ARMH2: variants seen among roughly 807,000 people sequenced by gnomAD.
ARMH2 encodes armadillo-like helical domain-containing protein 2.
ARMH2 carries 5 observed loss-of-function variants against 9.0 expected under a neutral mutation model. The ratio of observed to expected loss-of-function variants is 0.56; its 90% CI spans 0.29 to 1.17. The LOEUF is 1.17. Among genes scored for constraint, ARMH2 ranks in the 50% most tolerant of loss-of-function variants. ARMH2 has a pLI of 0.08. For synonymous variants in ARMH2, 74 were observed against 93.1 expected, an observed-to-expected ratio of 0.79 and a Z score of 1.18; for missense variants, 236 against 268.3, an observed-to-expected ratio of 0.88 and a Z score of 0.84.
intron 1 of ARMH2, 105 bp downstream of exon 1, chr6:24,798,488 G>T: frequency 8.0e-7 from 1 of 1,252,644 alleles, no homozygotes; most frequent in Non-Finnish European, 1.1e-6. Context: ...CCAATGAAAT[G>T]TTATCAGAAT....
chr6:24,797,877 T>C (rs1562198569), intron 1 of ARMH2, 40 bp from the exon 2 acceptor site: 2 of 1,513,250 alleles, frequency 1.3e-6, no homozygotes, highest in Admixed American at 2.1e-5. Context: ...GTATTTGGTG[T>C]ATCTATTAGC....
rs1780518940 is a variant in ARMH2, at chr6:24,798,875, G to C, written c.-18C>G. ...TTAGCCATTGTGTAAAAAGGCCAGT[G>C]GTCCTTCAGGTACACCACTGGCAGT... is the stretch of plus-strand genomic sequence containing the variant. On this transcript the variant is annotated 5_prime_UTR_variant, in exon 1 of 2. Coordinates refer to ENST00000565469, the MANE Select transcript of ARMH2 (RefSeq NM_001282492.2). The C allele has an allele frequency of 6.5e-7, 1 of 1,529,210 alleles. No individual in the cohort carries two copies. Among genetic ancestry groups the C allele is most frequent in the Non-Finnish European group, 8.7e-7 (1 of 1,143,486 alleles). The allele number at this position is 1,529,210 out of a possible 1,614,324, so 94.7% of individuals were successfully genotyped here.
chr6:24,797,775 C>T lies in ARMH2; in HGVS notation c.328G>A (p.Asp110Asn). 1.3e-6 allele frequency: 2 copies of T among 1,535,492 alleles called. No homozygotes were observed. Among genetic ancestry groups the T allele is most frequent in the Admixed American group, 2.0e-5 (1 of 50,988 alleles). The change falls in exon 2 of 2, where the codon GAT becomes AAT. Residue 110 changes from aspartate (D) to asparagine (N), a missense_variant. By Grantham distance (23) the Asp-to-Asn change is conservative. Transcript: ENST00000565469. ...YMEEVAHLLQ[D>N]EELAPKIKIL... ...TTTATTTTTGGTGCCAACTCCTCAT[C>T]TTGCAACAAGTGAGCCACTTCTTCC... is the stretch of plus-strand genomic sequence containing the variant.
rs1353825477 is a variant in ARMH2 at position 24,798,853 on chromosome 6, G to A, written c.5C>T (p.Ala2Val). 1.3e-6 allele frequency: 2 copies of A among 1,533,452 alleles called. No homozygotes were observed. The highest frequency in any genetic ancestry group is 3.9e-5 in the Admixed American group (2 of 50,702). The allele number at this position is 1,533,452 out of a possible 1,614,324, so 95.0% of individuals were successfully genotyped here. A position where few individuals can be genotyped will look rare whatever the true frequency, so the allele number is the denominator to read the frequency against. ...TTGCGTACAAGAAAATCGGCTGTTA[G>A]CCATTGTGTAAAAAGGCCAGTGGTC... M[A>V]NSRFSCTQIW... The change falls in exon 1 of 2, where the codon GCT (alanine) becomes GTT (valine). Residue 2 changes from alanine to valine, a missense_variant. Physicochemically the swap from Ala to Val is moderately conservative, Grantham distance 64. Transcript: ENST00000565469.
Position 24,797,849 on chromosome 6 carries a change from G to T in ARMH2, c.266-12C>A. 6.5e-7 allele frequency: 1 copy of T among 1,528,080 alleles called. No individual in the cohort carries two copies. Among genetic ancestry groups the T allele is most frequent in the Non-Finnish European group, 8.7e-7 (1 of 1,143,636 alleles). The allele number at this position is 1,528,080 out of a possible 1,614,324, so 94.7% of individuals were successfully genotyped here. A position where few individuals can be genotyped will look rare whatever the true frequency, so the allele number is the denominator to read the frequency against. On this transcript the variant is annotated splice_polypyrimidine_tract_variant and intron_variant, in intron 1 of 1. Transcript: ENST00000565469. Reference sequence around the variant, plus strand: ...AGCAGGTGGTCCTCCTGTAAAACAAGCATTTGCATTTCCAGAAGTATTTGG... The same window carrying T: ...AGCAGGTGGTCCTCCTGTAAAACAATCATTTGCATTTCCAGAAGTATTTGG...
At chr6:24,798,560 C>T in intron 1 of ARMH2, 33 bp downstream of exon 1, 1 of 1,496,430 alleles carries the variant, frequency 6.7e-7, no homozygotes, top group Non-Finnish European at 8.9e-7. Flanking sequence ...TGTCGTGAAA[C>T]ACTCATTTTA....
chr6:24,798,787 C>T lies in ARMH2; in HGVS notation c.71G>A (p.Arg24Gln), dbSNP rs1471065382. The change falls in exon 1 of 2, where the codon CGG becomes CAG. Residue 24 changes from arginine to glutamine, a missense_variant. By Grantham distance (43) the Arg-to-Gln change is conservative (BLOSUM62 1). Transcript: ENST00000565469. ...GACACGCCAGAATTTCTGGAGACGC[C>T]GACACAGCCCCGCAAAATACCCATA... is the stretch of plus-strand genomic sequence containing the variant. ...KMYGYFAGLCRRLQKFWRVTV... is the reference protein window; with the variant it reads ...KMYGYFAGLCQRLQKFWRVTV... 6.5e-6 allele frequency: 10 copies of T among 1,535,326 alleles called. No homozygotes were observed. The highest frequency in any genetic ancestry group is 1.2e-5 in the South Asian group (1 of 84,044).
Position 24,798,717 on chromosome 6 carries a change from A to G in ARMH2, c.141T>C (p.Pro47=). The change falls in exon 1 of 2, where the codon CCT becomes CCC. Residue 47 remains proline, a synonymous_variant. Coordinates refer to ENST00000565469, the MANE Select transcript of ARMH2 (RefSeq NM_001282492.2). ...FFVKKKEKKI[P]SAETYFHEEK... Reference sequence around the variant, plus strand: ...CCTCATGAAAATAAGTCTCAGCTGAAGGGATTTTTTTTTCCTTCTTCTTAA... The same window carrying G: ...CCTCATGAAAATAAGTCTCAGCTGAGGGGATTTTTTTTTCCTTCTTCTTAA... The G allele has an allele frequency of 6.5e-7, 1 of 1,535,204 alleles. No homozygotes were observed. The highest frequency in any genetic ancestry group is 8.7e-7 in the Non-Finnish European group (1 of 1,146,638).
At chr6:24,798,556 G>A (rs1187212310) in intron 1 of ARMH2, 37 bp downstream of exon 1, 2 of 1,493,896 alleles carry the variant, frequency 1.3e-6, no homozygotes, top group Non-Finnish European at 8.9e-7. Flanking sequence ...TGAGTGTCGT[G>A]AAACACTCAT....
rs999950880 is a variant in ARMH2 at position 24,798,643 on chromosome 6, A to G, written c.215T>C (p.Ile72Thr). 3.1e-5 allele frequency: 47 copies of G among 1,535,278 alleles called. No homozygotes were observed. Among genetic ancestry groups the G allele is most frequent in the Non-Finnish European group, 3.8e-5 (44 of 1,146,692 alleles). Residue 72 changes from isoleucine to threonine, a missense_variant, in exon 1 of 2, where the codon ATT (isoleucine) becomes ACT (threonine). Physicochemically the swap from Ile to Thr is moderately conservative, Grantham distance 89 (BLOSUM62 -1). Transcript: ENST00000565469. ...CTGGGCAGCTTGAGCTCTCTTCTCA[A>G]TGGGTAGAGATTCATTCATCAACAC... ...GQVLMNESLP[I>T]EKRAQAAQKI...
At position 24,797,773 on chromosome 6, in the gene ARMH2, A is replaced by G. The variant is rs993608960; in HGVS notation, c.330T>C (p.Asp110=). 4.3e-5 allele frequency: 66 copies of G among 1,535,328 alleles called. No individual in the cohort carries two copies. Among genetic ancestry groups the G allele is most frequent in the Non-Finnish European group, 5.4e-5 (62 of 1,146,738 alleles). The change falls in exon 2 of 2, where the codon GAT becomes GAC. Residue 110 remains aspartate (D), a synonymous_variant. Coordinates refer to ENST00000565469, the MANE Select transcript of ARMH2 (RefSeq NM_001282492.2). ...TCTTTATTTTTGGTGCCAACTCCTCATCTTGCAACAAGTGAGCCACTTCTT... is the reference window on the plus strand; with the variant it reads ...TCTTTATTTTTGGTGCCAACTCCTCGTCTTGCAACAAGTGAGCCACTTCTT... ...YMEEVAHLLQ[D]EELAPKIKIL...
At chr6:24,797,968 C>G in intron 1 of ARMH2, 131 bp from the exon 2 acceptor site, 1 of 995,872 alleles carries the variant, frequency 1.0e-6, no homozygotes, top group Non-Finnish European at 1.4e-6. Flanking sequence ...ATTTTCCTGT[C>G]GTTTTCCCCC....
Position 24,797,413 on chromosome 6 carries a change from A to T in ARMH2, c.690T>A (p.Asn230Lys), listed in dbSNP as rs1375369395. Residue 230 changes from asparagine (N) to lysine (K), a missense_variant, in exon 2 of 2, where the codon AAT (asparagine) becomes AAA (lysine). By Grantham distance (94) the Asn-to-Lys change is moderately conservative. Transcript: ENST00000565469. ...VLYFLIGFHR[N>K] ...CATGTAACTGGATTTAGAGAAACTA[A>T]TTCCTATGAAAACCAATTAGGAAAT... The T allele has an allele frequency of 6.5e-7, 1 of 1,531,386 alleles. No individual in the cohort carries two copies. The highest frequency in any genetic ancestry group is 1.2e-5 in the South Asian group (1 of 83,810). 94.9% of individuals were successfully genotyped at this position (1,531,386 alleles called of 1,614,324 possible). A position where few individuals can be genotyped will look rare whatever the true frequency, so the allele number is the denominator to read the frequency against.
At position 24,797,390 on chromosome 6, in the gene ARMH2, T is replaced by A; in HGVS notation, c.*20A>T. 1 of 1,524,456 alleles carries A rather than the reference T, an allele frequency of 6.6e-7. No homozygotes were observed. Among genetic ancestry groups the A allele is most frequent in the East Asian group, 2.5e-5 (1 of 40,738 alleles). 94.4% of individuals were successfully genotyped at this position (1,524,456 alleles called of 1,614,324 possible). On this transcript the variant is annotated 3_prime_UTR_variant, in exon 2 of 2. Transcript: ENST00000565469. ...GGGTAATACACAGAGAGCTGCAACA[T>A]GTAACTGGATTTAGAGAAACTAATT...
chr6:24,797,870 T>C, intron 1 of ARMH2, 33 bp from the exon 2 acceptor site: 1 of 1,522,572 alleles, frequency 6.6e-7, no homozygotes, highest in Admixed American at 2.0e-5. Context: ...TCCAGAAGTA[T>C]TTGGTGTATC....
chr6:24,798,692 C>T lies in ARMH2; in HGVS notation c.166G>A (p.Glu56Lys). The stretch of plus-strand genomic sequence containing the variant: ...ACTTGGCCAAGTACAACAATTTTTT[C>T]CTCATGAAAATAAGTCTCAGCTGAA... ...IPSAETYFHE[E>K]KIVVLGQVLM... The change falls in exon 1 of 2, where the codon GAA becomes AAA. Residue 56 changes from glutamate to lysine, a missense_variant. Coordinates refer to ENST00000565469, the MANE Select transcript of ARMH2 (RefSeq NM_001282492.2). The T allele has an allele frequency of 6.5e-7, 1 of 1,535,354 alleles. No homozygotes were observed. Among genetic ancestry groups the T allele is most frequent in the Non-Finnish European group, 8.7e-7 (1 of 1,146,702 alleles).
chr6:24,798,244 G>A (rs543617985), intron 1 of ARMH2, among the ~76,000 whole-genome samples: 116 of 152,110 alleles, frequency 7.6e-4, no homozygotes, highest in African/African-American at 2.5e-3. Flanking sequence ...AGCCTCTCGA[G>A]TAGCTGGTAT....
At chr6:24,798,261 C>T (rs1780510614) in intron 1 of ARMH2, among the ~76,000 whole-genome samples, 1 of 152,084 alleles carries the variant, frequency 6.6e-6, no homozygotes, top group South Asian at 2.1e-4. Context: ...GTATTACAGG[C>T]ATGCACCACC....
Position 24,798,628 on chromosome 6 carries a change from T to C in ARMH2, c.230A>G (p.Gln77Arg). 1 of 1,535,306 alleles carries C rather than the reference T, an allele frequency of 6.5e-7. No homozygotes were observed. Among genetic ancestry groups the C allele is most frequent in the Non-Finnish European group, 8.7e-7 (1 of 1,146,690 alleles). The change falls in exon 1 of 2, where the codon CAA becomes CGA. Residue 77 changes from glutamine to arginine, a missense_variant. Gln to Arg is a conservative substitution (Grantham distance 43). Coordinates refer to ENST00000565469, the MANE Select transcript of ARMH2 (RefSeq NM_001282492.2). ...NESLPIEKRA[Q>R]AAQKIGLLAF... ...CAGCAGTCCAATTTTCTGGGCAGCT[T>C]GAGCTCTCTTCTCAATGGGTAGAGA...
Sources: allele counts gnomAD v4.1 joint callset (sites outside exome capture counted in the v4.1 genomes callset), GRCh38; gene constraint gnomAD v4.1.1; transcripts MANE v1.5; gene names NCBI Gene and HGNC (gene_info 2026-07-23, HGNC 2026-07-21).